Variants in MAGI2 observed in about 807,000 individuals in gnomAD.
MAGI2 encodes the protein membrane-associated guanylate kinase, WW and PDZ domain-containing protein 2.
A neutral mutation model predicts 133.3 loss-of-function variants in MAGI2; 35 were observed. That is an observed-to-expected ratio of 0.26 (90% CI 0.20 to 0.35). The LOEUF (loss-of-function observed/expected upper bound fraction) is 0.35. Among genes scored for constraint, MAGI2 ranks in the 10% least tolerant of loss-of-function variants. The pLI is 1.00. For synonymous variants in MAGI2, 729 were observed against 710.6 expected (o/e 1.03, Z -0.41); for missense variants, 1,636 against 1,863.4 (o/e 0.88, Z 2.25).
intron 9 of MAGI2, among the ~76,000 whole-genome samples, chr7:78,301,610 T>C (rs1206957649): frequency 1.3e-5 from 2 of 152,192 alleles, no homozygotes; most frequent in Admixed American, 1.3e-4. Flanking sequence ...TTCAGTCTGG[T>C]TTTTGTCTGT....
rs550737773 is a variant in MAGI2 at position 79,204,337 on chromosome 7, T to C, written c.302-197131A>G. On this transcript the variant is annotated intron_variant, in intron 1 of 21. Transcript: ENST00000354212. Reference sequence around the variant, plus strand: ...AGTGGCCCTGGGCTCAGGACAGCTCTCAACAGCAGGCCGGCCTCAGTGGGC... The same window carrying C: ...AGTGGCCCTGGGCTCAGGACAGCTCCCAACAGCAGGCCGGCCTCAGTGGGC... Among the ~76,000 whole-genome samples the C allele has an allele frequency of 4.6e-5, 7 of 152,148 alleles. No individual in the cohort carries two copies. In the South Asian group the frequency reaches 1.4e-3, roughly 32 times the overall value.
chr7:78,851,962 GA>G (rs1793171539), intron 2 of MAGI2, among the ~76,000 whole-genome samples: 1 of 152,084 alleles, frequency 6.6e-6, no homozygotes, highest in Admixed American at 6.6e-5. Flanking sequence ...CTAAAAATAA[GA>G]AAATCTTACC....
At chr7:78,042,762 A>G (rs1810988174) in intron 21 of MAGI2, among the ~76,000 whole-genome samples, 1 of 152,252 alleles carries the variant, frequency 6.6e-6, no homozygotes, top group Non-Finnish European at 1.5e-5. Context: ...GGTGCTCTGA[A>G]GGCCTCGGAC....
intron 2 of MAGI2, among the ~76,000 whole-genome samples, chr7:78,745,246 T>C (rs73152456): frequency 0.16 from 24,041 of 152,150 alleles, 2,169 homozygotes; most frequent in East Asian, 0.25. Flanking sequence ...ATGAAAAATG[T>C]ACCACAATGC....
chr7:78,534,484 C>T lies in MAGI2; in HGVS notation c.539-12839G>A, dbSNP rs531495737. ...GTGTTTGTATATATATGTGTGTGTG[C>T]GTGTGCTCCCAAATAAATCAAGTTG... is the stretch of plus-strand genomic sequence containing the variant. On this transcript the variant is annotated intron_variant, in intron 3 of 21. Coordinates refer to ENST00000354212, the MANE Select transcript of MAGI2 (RefSeq NM_012301.4). Among the ~76,000 whole-genome samples, 269 of 152,136 alleles carry T rather than the reference C, an allele frequency of 1.8e-3. 2 individuals carry two copies. The Middle Eastern group carries it at 0.024, about 13-fold the overall frequency.
At chr7:78,486,536 G>C in intron 6 of MAGI2, 1 of 221,804 alleles carries the variant, frequency 4.5e-6, no homozygotes, top group Non-Finnish European at 9.4e-6. Context: ...CAAGATGGCA[G>C]ATGAGGCCAC....
chr7:78,758,401 A>G (rs1306642157), intron 2 of MAGI2, among the ~76,000 whole-genome samples: 2 of 152,190 alleles, frequency 1.3e-5, no homozygotes, highest in Non-Finnish European at 2.9e-5. Context: ...AAATCAAACA[A>G]ACTTCAAAGC....
At chr7:78,588,475 T>C (rs1012724244) in intron 3 of MAGI2, among the ~76,000 whole-genome samples, 2 of 152,160 alleles carry the variant, frequency 1.3e-5, no homozygotes, top group South Asian at 4.1e-4. Context: ...AGATAACATA[T>C]GTGCAAATGG....
chr7:78,250,692 A>G (rs1792294982), intron 10 of MAGI2, among the ~76,000 whole-genome samples: 1 of 151,652 alleles, frequency 6.6e-6, no homozygotes, highest in African/African-American at 2.4e-5. Flanking sequence ...TAAATTACCA[A>G]AACTGATTTA....
chr7:78,972,412 A>G (rs566087195), intron 2 of MAGI2, among the ~76,000 whole-genome samples: 62 of 152,014 alleles, frequency 4.1e-4, no homozygotes, highest in Non-Finnish European at 7.4e-4. Flanking sequence ...TTTCTTAAAT[A>G]TCCTTTTATT....
intron 7 of MAGI2, among the ~76,000 whole-genome samples, chr7:78,361,440 C>A (rs1585004773): frequency 6.7e-6 from 1 of 149,612 alleles, no homozygotes; most frequent in South Asian, 2.1e-4. Flanking sequence ...CTCCCCCCCA[C>A]AAAATGTGTT....
At chr7:79,129,024 C>T (rs1305805700) in intron 1 of MAGI2, among the ~76,000 whole-genome samples, 1 of 152,112 alleles carries the variant, frequency 6.6e-6, no homozygotes, top group Admixed American at 6.6e-5. Context: ...GCAGGCACCA[C>T]CACGCTCAGC....
intron 2 of MAGI2, among the ~76,000 whole-genome samples, chr7:78,698,902 G>A (rs1817784849): frequency 6.6e-6 from 1 of 152,034 alleles, no homozygotes; most frequent in Non-Finnish European, 1.5e-5. Context: ...CCACAATTAC[G>A]GGAACTACAA....
intron 2 of MAGI2, among the ~76,000 whole-genome samples, chr7:78,645,111 CGTGT>C (rs1554510948): frequency 1.3e-5 from 2 of 148,224 alleles, no homozygotes; most frequent in Admixed American, 6.7e-5. Context: ...TATGTGTGTG[CGTGT>C]GTGTGTGTGT....
chr7:79,264,998 C>A (rs1445779683), intron 1 of MAGI2, among the ~76,000 whole-genome samples: 1 of 152,056 alleles, frequency 6.6e-6, no homozygotes, highest in Non-Finnish European at 1.5e-5. Flanking sequence ...CCCCCATGAC[C>A]CCACCACCTC....
At chr7:79,391,514 T>TATATATATATATATATATATATAGAC (rs1563180531) in intron 1 of MAGI2, among the ~76,000 whole-genome samples, 1 of 46,332 alleles carries the variant, frequency 2.2e-5, no homozygotes, top group Admixed American at 1.9e-4. Context: ...TAGACATATA[T>TATATATATATATATATATATATAGAC]ATATATATAT....
intron 16 of MAGI2, among the ~76,000 whole-genome samples, chr7:78,155,168 G>A (rs773475820): frequency 1.3e-5 from 2 of 152,136 alleles, no homozygotes; most frequent in Non-Finnish European, 2.9e-5. Flanking sequence ...AAGTGAAATT[G>A]CCTATTACAG....
At chr7:78,461,993 A>G (rs1584250109) in intron 6 of MAGI2, among the ~76,000 whole-genome samples, 1 of 150,956 alleles carries the variant, frequency 6.6e-6, no homozygotes, top group East Asian at 2.0e-4. Context: ...TGTAAAATTA[A>G]GTGATTATAA....
intron 9 of MAGI2, among the ~76,000 whole-genome samples, chr7:78,326,292 C>T (rs577637319): frequency 5.9e-5 from 9 of 152,312 alleles, no homozygotes; most frequent in African/African-American, 1.2e-4. Context: ...ATTTCCCTTC[C>T]GTCTCTGAAT....
Sources: allele counts gnomAD v4.1 joint callset (sites outside exome capture counted in the v4.1 genomes callset), GRCh38; gene constraint gnomAD v4.1.1; transcripts MANE v1.5; gene names NCBI Gene and HGNC (gene_info 2026-07-23, HGNC 2026-07-21).